TACR3: variants seen among roughly 807,000 people sequenced by gnomAD.
TACR3 encodes the protein neuromedin-K receptor.
A neutral mutation model predicts 35.0 loss-of-function variants in TACR3; 34 were observed. That is an observed-to-expected ratio of 0.97 (90% CI 0.74 to 1.30). The LOEUF is 1.30. Among genes scored for constraint, TACR3 ranks in the 50% most tolerant of loss-of-function variants. The pLI is 0.00. For synonymous variants in TACR3, 233 were observed against 221.1 expected, an observed-to-expected ratio of 1.05 and a Z score of -0.48; for missense variants, 558 against 591.7, an observed-to-expected ratio of 0.94 and a Z score of 0.59.
At chr4:103,618,564 CTTTTTTTTTTTTTTT>C (rs57837921) in intron 3 of TACR3, among the ~76,000 whole-genome samples, 2 of 61,446 alleles carry the variant, frequency 3.3e-5, no homozygotes, top group Admixed American at 2.0e-4. Context: ...GTGACTTGGG[CTTTTTTTTTTTTTTT>C]TTTTTTTTTT....
rs141576647 is a variant in TACR3 at position 103,661,184 on chromosome 4, T to C, written c.549-2781A>G. Among the ~76,000 whole-genome samples, 82 of 151,964 alleles carry C rather than the reference T, an allele frequency of 5.4e-4. 1 individual carries two copies. The highest frequency in any genetic ancestry group is 3.2e-3 in the Middle Eastern group (1 of 316). ...ATGTTAGATACTTATGTGTTATATG[T>C]GTGTGTGTGTTAGAGATACCCACCA... On this transcript the variant is annotated intron_variant, in intron 1 of 4. Coordinates refer to ENST00000304883, the MANE Select transcript of TACR3 (RefSeq NM_001059.3).
intron 3 of TACR3, among the ~76,000 whole-genome samples, chr4:103,596,480 T>C (rs1172405990): frequency 6.6e-6 from 1 of 152,138 alleles, no homozygotes; most frequent in East Asian, 1.9e-4. Context: ...GTGGTTTTGG[T>C]TTGCATTTGT....
chr4:103,591,327 G>A, intron 4 of TACR3, 160 bp downstream of exon 4: 2 of 762,330 alleles, frequency 2.6e-6, no homozygotes, highest in African/African-American at 1.7e-5. Context: ...AAGTGTGTAT[G>A]GGGGTCTTGA....
intron 1 of TACR3, among the ~76,000 whole-genome samples, chr4:103,663,240 C>A (rs941883233): frequency 2.2e-4 from 33 of 151,914 alleles, no homozygotes; most frequent in African/African-American, 7.5e-4. Flanking sequence ...ACACCTGTAA[C>A]CCCAGCACTT....
At chr4:103,679,422 T>G (rs1726241219) in intron 1 of TACR3, among the ~76,000 whole-genome samples, 1 of 152,062 alleles carries the variant, frequency 6.6e-6, no homozygotes, top group Non-Finnish European at 1.5e-5. Flanking sequence ...GGGATCATCA[T>G]ATCTGATTCC....
intron 3 of TACR3, among the ~76,000 whole-genome samples, chr4:103,630,192 A>T (rs1725026716): frequency 6.6e-6 from 1 of 152,058 alleles, no homozygotes; most frequent in South Asian, 2.1e-4. Flanking sequence ...ATTAATTCAA[A>T]TGGATTAAAG....
At chr4:103,703,783 G>A (rs2110225528) in intron 1 of TACR3, among the ~76,000 whole-genome samples, 1 of 152,112 alleles carries the variant, frequency 6.6e-6, no homozygotes, top group South Asian at 2.1e-4. Context: ...AGTAGAAGAT[G>A]AAGGAACTTT....
At chr4:103,602,749 A>C (rs916547804) in intron 3 of TACR3, among the ~76,000 whole-genome samples, 2 of 152,162 alleles carry the variant, frequency 1.3e-5, no homozygotes, top group Non-Finnish European at 2.9e-5. Context: ...TTCCTGTGGA[A>C]GTTTTGTCTC....
intron 1 of TACR3, among the ~76,000 whole-genome samples, chr4:103,686,647 C>T (rs994530849): frequency 1.3e-5 from 2 of 152,102 alleles, no homozygotes; most frequent in Admixed American, 6.6e-5. Flanking sequence ...AAGAGGAAAA[C>T]ATAACCCATA....
intron 3 of TACR3, among the ~76,000 whole-genome samples, chr4:103,598,397 G>A (rs1724095449): frequency 2.0e-5 from 3 of 152,178 alleles, no homozygotes; most frequent in South Asian, 4.1e-4. Flanking sequence ...CTCCCATTCT[G>A]TAGGTTGCCT....
chr4:103,604,339 G>A (rs1365796822), intron 3 of TACR3, among the ~76,000 whole-genome samples: 1 of 152,198 alleles, frequency 6.6e-6, no homozygotes, highest in Non-Finnish European at 1.5e-5. Context: ...CTAGCCATAT[G>A]CAGAAAACTG....
intron 1 of TACR3, among the ~76,000 whole-genome samples, chr4:103,681,519 G>C (rs988924802): frequency 2.0e-5 from 3 of 152,162 alleles, no homozygotes; most frequent in Middle Eastern, 3.4e-3. Flanking sequence ...AAAATTACCA[G>C]AGATTCTTTA....
intron 3 of TACR3, among the ~76,000 whole-genome samples, chr4:103,650,085 A>C (rs1237021576): frequency 6.6e-6 from 1 of 151,964 alleles, no homozygotes; most frequent in Non-Finnish European, 1.5e-5. Flanking sequence ...GTTCTTGCAG[A>C]CTCACAGAGA....
intron 1 of TACR3, among the ~76,000 whole-genome samples, chr4:103,709,483 C>T (rs1374391088): frequency 6.6e-6 from 1 of 152,154 alleles, no homozygotes; most frequent in African/African-American, 2.4e-5. Context: ...ACTAGGCCTG[C>T]CCTAAAAGAG....
intron 1 of TACR3, among the ~76,000 whole-genome samples, chr4:103,692,690 A>G (rs919499225): frequency 1.3e-5 from 2 of 152,192 alleles, no homozygotes; most frequent in Non-Finnish European, 2.9e-5. Flanking sequence ...AACAAATCCA[A>G]TCAGTGGAAC....
chr4:103,645,860 A>G (rs1384089619), intron 3 of TACR3, among the ~76,000 whole-genome samples: 2 of 151,944 alleles, frequency 1.3e-5, no homozygotes, highest in Admixed American at 6.6e-5. Context: ...ACGGAGCATA[A>G]TAAAGTTAAA....
chr4:103,694,213 T>TCGAGTTCCAGGTGG (rs1722472956), intron 1 of TACR3, among the ~76,000 whole-genome samples: 22 of 149,518 alleles, frequency 1.5e-4, no homozygotes, highest in African/African-American at 5.6e-4. Flanking sequence ...TACACTTCCT[T>TCGAGTTCCAGGTGG]ACACTATGCA....
chr4:103,598,081 T>C (rs1431233614), intron 3 of TACR3, among the ~76,000 whole-genome samples: 1 of 152,148 alleles, frequency 6.6e-6, no homozygotes, highest in Non-Finnish European at 1.5e-5. Context: ...AGTGTAAAAG[T>C]GTTCCTATTT....
chr4:103,654,139 C>T (rs1031606772), intron 3 of TACR3, among the ~76,000 whole-genome samples: 3 of 151,246 alleles, frequency 2.0e-5, no homozygotes, highest in African/African-American at 4.9e-5. Context: ...GTCAGTGTGG[C>T]GATTCCTCAG....
Sources: gnomAD v4.1 joint callset for allele counts (sites outside exome capture counted in the v4.1 genomes callset) on GRCh38, gnomAD v4.1.1 for gene constraint, MANE v1.5 for transcripts, NCBI Gene and HGNC (gene_info 2026-07-23, HGNC 2026-07-21) for gene names.